Variants in CNTN4 observed in about 807,000 individuals in gnomAD.
CNTN4 encodes the protein contactin-4.
In CNTN4, 77 loss-of-function variants were observed where a neutral mutation model predicts 122.5. The ratio of observed to expected loss-of-function variants is 0.63; its 90% CI spans 0.52 to 0.76. The LOEUF is 0.76. Ranked by LOEUF, CNTN4 falls within the 30% of genes least tolerant of loss-of-function variation. The pLI is 0.00. For missense variants in CNTN4, 1,256 were observed against 1,259.1 expected (o/e 1.00, Z 0.04); for synonymous variants, 512 against 447.0 (o/e 1.15, Z -1.83).
chr3:2,851,566 A>G (rs1255571043), intron 7 of CNTN4, among the ~76,000 whole-genome samples: 1 of 152,208 alleles, frequency 6.6e-6, no homozygotes, highest in East Asian at 1.9e-4. Context: ...CCTGTCTGTT[A>G]ATGATTTCTC....
At chr3:2,153,038 G>A (rs1359741462) in intron 2 of CNTN4, among the ~76,000 whole-genome samples, 2 of 152,158 alleles carry the variant, frequency 1.3e-5, no homozygotes, top group African/African-American at 4.8e-5. Flanking sequence ...AATAGCTACT[G>A]TTGTAAGCCA....
rs114955817 is a variant in CNTN4 at position 2,482,115 on chromosome 3, C to T, written c.-88-89301C>T. ...GGAGGGCTCAGAAGACAGGAAGATACGAGAAAATTTGGAACTTCCTAGAGA... is the reference window on the plus strand; with the variant it reads ...GGAGGGCTCAGAAGACAGGAAGATATGAGAAAATTTGGAACTTCCTAGAGA... On this transcript the variant is annotated intron_variant, in intron 3 of 24. Transcript: ENST00000418658. Among the ~76,000 whole-genome samples, 830 of 152,128 alleles carry T rather than the reference C, an allele frequency of 5.5e-3. 11 individuals are homozygous for T. The highest frequency in any genetic ancestry group is 0.019 in the African/African-American group (790 of 41,512).
intron 2 of CNTN4, among the ~76,000 whole-genome samples, chr3:2,191,893 C>T (rs553880210): frequency 1.1e-4 from 17 of 152,012 alleles, no homozygotes; most frequent in Non-Finnish European, 1.9e-4. Flanking sequence ...CCCCACTCCA[C>T]AACAGGCCCC....
In CNTN4 at chr3:2,648,887, C is replaced by G. The variant is rs1016909632; in HGVS notation, c.55+77329C>G. On this transcript the variant is annotated intron_variant, in intron 4 of 24. Coordinates refer to ENST00000418658, the MANE Select transcript of CNTN4 (RefSeq NM_175607.3). ...AGGAAATTAAAAGTGCAACTTCAGG[C>G]AACGCATGAATAAGAAATTAATACA... Among the ~76,000 whole-genome samples the G allele has an allele frequency of 3.3e-5, 5 of 152,268 alleles. 1 individual carries two copies. In the East Asian group the frequency reaches 7.7e-4, roughly 24 times the overall value.
In CNTN4 at chr3:2,896,049, T is replaced by C. The variant is rs369144620; in HGVS notation, c.941-4636T>C. On this transcript the variant is annotated intron_variant, in intron 10 of 24. Transcript: ENST00000418658. ...CTCTGTCTCAAAAAAAATAAATAAA[T>C]AAAAATCAAATCAAATCAAATGAAA... Among the ~76,000 whole-genome samples, 31 of 151,658 alleles carry C rather than the reference T, an allele frequency of 2.0e-4. No individual in the cohort carries two copies. The East Asian group carries it at 3.3e-3, about 16-fold the overall frequency.
At chr3:2,655,732 A>G (rs917710211) in intron 4 of CNTN4, among the ~76,000 whole-genome samples, 17 of 152,170 alleles carry the variant, frequency 1.1e-4, no homozygotes, top group Non-Finnish European at 2.1e-4. Flanking sequence ...ATTTGAAATG[A>G]CGGAACATGA....
At chr3:2,946,370 T>A (rs1019689334) in intron 13 of CNTN4, among the ~76,000 whole-genome samples, 1 of 152,202 alleles carries the variant, frequency 6.6e-6, no homozygotes, top group Non-Finnish European at 1.5e-5. Flanking sequence ...GTTTTACATT[T>A]ATGGTAAAAC....
At chr3:2,870,616 A>G (rs886355026) in intron 8 of CNTN4, among the ~76,000 whole-genome samples, 1 of 152,160 alleles carries the variant, frequency 6.6e-6, no homozygotes, top group Non-Finnish European at 1.5e-5. Context: ...GTGCAAGGTG[A>G]GTATAGAATT....
intron 13 of CNTN4, among the ~76,000 whole-genome samples, chr3:2,957,227 T>C (rs1376976856): frequency 6.6e-6 from 1 of 152,200 alleles, no homozygotes; most frequent in African/African-American, 2.4e-5. Flanking sequence ...TTTTCCACAA[T>C]GGTTATACCA....
chr3:2,817,159 A>G (rs7620309), intron 6 of CNTN4, among the ~76,000 whole-genome samples: 2 of 152,284 alleles, frequency 1.3e-5, no homozygotes, highest in African/African-American at 4.8e-5. Flanking sequence ...TTGCTATTAG[A>G]AACCTTTCCT....
chr3:2,648,762 C>T (rs1274039377), intron 4 of CNTN4, among the ~76,000 whole-genome samples: 1 of 152,182 alleles, frequency 6.6e-6, no homozygotes, highest in Non-Finnish European at 1.5e-5. Context: ...AGGAATTGAC[C>T]TTAATGAGGA....
chr3:2,724,337 C>T (rs554132219), intron 4 of CNTN4, among the ~76,000 whole-genome samples: 1 of 152,326 alleles, frequency 6.6e-6, no homozygotes, highest in South Asian at 2.1e-4. Flanking sequence ...CTGCCATAAA[C>T]TTTATCTACA....
intron 3 of CNTN4, among the ~76,000 whole-genome samples, chr3:2,363,456 A>G (rs975777032): frequency 6.6e-6 from 1 of 152,226 alleles, no homozygotes; most frequent in African/African-American, 2.4e-5. Context: ...CTGACTCCCA[A>G]GACTGCAACT....
intron 2 of CNTN4, among the ~76,000 whole-genome samples, chr3:2,146,238 G>A (rs568386500): frequency 4.0e-4 from 60 of 150,422 alleles, no homozygotes; most frequent in Non-Finnish European, 6.5e-4. Context: ...TATTAATTCA[G>A]TCATCATATG....
chr3:2,606,346 C>G (rs984925086), intron 4 of CNTN4, among the ~76,000 whole-genome samples: 1 of 151,836 alleles, frequency 6.6e-6, no homozygotes, highest in Non-Finnish European at 1.5e-5. Context: ...GGGCAGGGGT[C>G]GAGGGGGAGG....
intron 6 of CNTN4, among the ~76,000 whole-genome samples, chr3:2,765,569 CTTAATAATT>C (rs910065940): frequency 7.6e-4 from 116 of 152,182 alleles, no homozygotes; most frequent in African/African-American, 2.8e-3. Flanking sequence ...TTTAATTTTG[CTTAATAATT>C]TTAAATTATT....
At chr3:2,475,524 A>T (rs1319483871) in intron 3 of CNTN4, among the ~76,000 whole-genome samples, 1 of 152,160 alleles carries the variant, frequency 6.6e-6, no homozygotes, top group African/African-American at 2.4e-5. Context: ...GTGTTTTACA[A>T]TATGTTTCAT....
At chr3:3,014,877 T>A (rs1297112721) in intron 14 of CNTN4, among the ~76,000 whole-genome samples, 1 of 78,828 alleles carries the variant, frequency 1.3e-5, no homozygotes, top group African/African-American at 5.1e-5. Flanking sequence ...GACCCTCGAT[T>A]GGTTTTTTTT....
At chr3:2,563,481 A>G (rs2079039103) in intron 3 of CNTN4, among the ~76,000 whole-genome samples, 1 of 152,186 alleles carries the variant, frequency 6.6e-6, no homozygotes, top group Non-Finnish European at 1.5e-5. Context: ...GGTATCTATT[A>G]TTTATCATTT....
Sources: allele counts gnomAD v4.1 joint callset (sites outside exome capture counted in the v4.1 genomes callset), GRCh38; gene constraint gnomAD v4.1.1; transcripts MANE v1.5; gene names NCBI Gene and HGNC (gene_info 2026-07-23, HGNC 2026-07-21).